CDH4: variants seen among roughly 807,000 people sequenced by gnomAD.
CDH4 encodes the protein cadherin 4, also known as cadherin-4.
In CDH4, 33 loss-of-function variants were observed where a neutral mutation model predicts 86.0. The ratio of observed to expected loss-of-function variants is 0.38; its 90% confidence interval spans 0.29 to 0.51. The LOEUF is 0.51. CDH4 is among the 20% of genes least tolerant of loss of function. The probability of loss-of-function intolerance (pLI) is 0.86; values close to 1 mark genes in which losing one functional copy is unlikely to be tolerated. For missense variants in CDH4, 1,114 were observed against 1,307.4 expected (o/e 0.85, Z 2.28); for synonymous variants, 555 against 549.4 (o/e 1.01, Z -0.14).
At chr20:61,513,995 C>G (rs549602094) in intron 2 of CDH4, among the ~76,000 whole-genome samples, 1 of 152,246 alleles carries the variant, frequency 6.6e-6, no homozygotes, top group Non-Finnish European at 1.5e-5. Flanking sequence ...GCAACGCCCA[C>G]TGGAGACCTG....
intron 2 of CDH4, among the ~76,000 whole-genome samples, chr20:61,438,911 A>T (rs950811890): frequency 6.8e-6 from 1 of 146,220 alleles, no homozygotes; most frequent in Non-Finnish European, 1.5e-5. Flanking sequence ...AGTAAAAATT[A>T]GCTAAAAAAA....
intron 7 of CDH4, among the ~76,000 whole-genome samples, chr20:61,884,507 C>T (rs1188490460): frequency 2.6e-5 from 4 of 151,682 alleles, no homozygotes; most frequent in African/African-American, 9.7e-5. Context: ...GAAGATGGCA[C>T]CCCTTGGGGC....
chr20:61,521,363 A>G (rs1393903020), intron 2 of CDH4, among the ~76,000 whole-genome samples: 1 of 152,196 alleles, frequency 6.6e-6, no homozygotes, highest in African/African-American at 2.4e-5. Flanking sequence ...CTTGGGGAGT[A>G]TATTTTAAGA....
chr20:61,730,012 G>C (rs2088159865), intron 2 of CDH4, among the ~76,000 whole-genome samples: 1 of 152,164 alleles, frequency 6.6e-6, no homozygotes, highest in Non-Finnish European at 1.5e-5. Context: ...TTTCAGAGCA[G>C]TTTTAGGTTT....
chr20:61,381,791 G>T (rs371646515), intron 2 of CDH4, among the ~76,000 whole-genome samples: 1 of 152,150 alleles, frequency 6.6e-6, no homozygotes, highest in Non-Finnish European at 1.5e-5. Flanking sequence ...AAAGATAACT[G>T]TTGGCCAGGT....
intron 2 of CDH4, among the ~76,000 whole-genome samples, chr20:61,644,738 G>GCTT (rs1456689066): frequency 6.6e-6 from 1 of 152,196 alleles, no homozygotes. Flanking sequence ...ACCGTTCCTG[G>GCTT]CTTCGTGGAG....
chr20:61,476,631 G>T (rs759037782), intron 2 of CDH4, among the ~76,000 whole-genome samples: 1 of 152,186 alleles, frequency 6.6e-6, no homozygotes. Context: ...AGAGCTGCTC[G>T]CCCCACCTTC....
chr20:61,359,280 G>A (rs375639193), intron 2 of CDH4, among the ~76,000 whole-genome samples: 27 of 152,262 alleles, frequency 1.8e-4, no homozygotes, highest in African/African-American at 6.0e-4. Flanking sequence ...GGGGTGGGGG[G>A]TGGACTACGA....
At chr20:61,868,598 G>C (rs553151918) in intron 6 of CDH4, among the ~76,000 whole-genome samples, 195 of 152,340 alleles carry the variant, frequency 1.3e-3, no homozygotes, top group Non-Finnish European at 2.2e-3. Context: ...CTCCATGCTG[G>C]GCAGATGTCC....
intron 2 of CDH4, among the ~76,000 whole-genome samples, chr20:61,612,869 G>A (rs1489144875): frequency 6.6e-6 from 1 of 152,054 alleles, no homozygotes; most frequent in Non-Finnish European, 1.5e-5. Flanking sequence ...CTCCTCATTG[G>A]TCTCTTTGGT....
chr20:61,431,427 A>G (rs1466602701), intron 2 of CDH4, among the ~76,000 whole-genome samples: 1 of 144,172 alleles, frequency 6.9e-6, no homozygotes, highest in Non-Finnish European at 1.5e-5. Context: ...TTTTGCAATC[A>G]TGGCTCACTG....
At chr20:61,659,199 A>G (rs900786391) in intron 2 of CDH4, among the ~76,000 whole-genome samples, 4 of 152,200 alleles carry the variant, frequency 2.6e-5, no homozygotes, top group African/African-American at 9.6e-5. Context: ...ACCACCCGTG[A>G]CACTCGTGGG....
intron 2 of CDH4, among the ~76,000 whole-genome samples, chr20:61,647,048 C>G (rs1379762873): frequency 3.3e-5 from 5 of 152,184 alleles, no homozygotes; most frequent in Non-Finnish European, 5.9e-5. Flanking sequence ...GACAATTATG[C>G]AAAATTGAGC....
At chr20:61,298,326 C>A (rs1411530233) in intron 2 of CDH4, among the ~76,000 whole-genome samples, 1 of 152,006 alleles carries the variant, frequency 6.6e-6, no homozygotes, top group Non-Finnish European at 1.5e-5. Flanking sequence ...GACGGAAGTG[C>A]ACAGGCTTCA....
intron 2 of CDH4, among the ~76,000 whole-genome samples, chr20:61,451,598 G>A (rs953642166): frequency 2.0e-5 from 3 of 152,140 alleles, no homozygotes; most frequent in African/African-American, 2.4e-5. Context: ...AGGGAAGATC[G>A]CCGGAGCCCT....
intron 2 of CDH4, among the ~76,000 whole-genome samples, chr20:61,659,113 T>A (rs2087224245): frequency 6.6e-6 from 1 of 152,098 alleles, no homozygotes; most frequent in African/African-American, 2.4e-5. Flanking sequence ...ATGTATTTGA[T>A]TGGTAAGTGA....
intron 2 of CDH4, among the ~76,000 whole-genome samples, chr20:61,650,307 G>A (rs1015365717): frequency 2.0e-5 from 3 of 152,140 alleles, no homozygotes; most frequent in African/African-American, 7.2e-5. Flanking sequence ...GTGAAAACAG[G>A]GTCTGTGTTT....
intron 7 of CDH4, among the ~76,000 whole-genome samples, chr20:61,878,875 G>A (rs773765046): frequency 9.2e-5 from 14 of 152,122 alleles, no homozygotes; most frequent in South Asian, 2.1e-4. Context: ...GGGGTGTGCC[G>A]AGGCCAGGGC....
chr20:61,750,182 C>T (rs1414423189), intron 3 of CDH4, among the ~76,000 whole-genome samples: 1 of 152,014 alleles, frequency 6.6e-6, no homozygotes, highest in Non-Finnish European at 1.5e-5. Flanking sequence ...AACAATGAAA[C>T]AGAAAACAAT....
Sources: gnomAD v4.1 joint callset for allele counts (sites outside exome capture counted in the v4.1 genomes callset) on GRCh38, gnomAD v4.1.1 for gene constraint, MANE v1.5 for transcripts, NCBI Gene and HGNC (gene_info 2026-07-23, HGNC 2026-07-21) for gene names.